The following CCSER1 variants were observed in gnomAD, a reference collection of about 807,000 sequenced individuals.
CCSER1 encodes coiled-coil serine rich protein 1.
In CCSER1, 41 loss-of-function variants were observed where a neutral mutation model predicts 82.0. The ratio of observed to expected loss-of-function variants is 0.50; its 90% CI spans 0.39 to 0.65. The LOEUF is 0.65. Among genes scored for constraint, CCSER1 ranks in the 30% least tolerant of loss-of-function variants. CCSER1 has a pLI of 0.00. For synonymous variants in CCSER1, 414 were observed against 383.9 expected (o/e 1.08, Z -0.92); for missense variants, 1,119 against 1,064.2 (o/e 1.05, Z -0.72).
At chr4:90,907,174 A>T (rs1319008571) in intron 8 of CCSER1, among the ~76,000 whole-genome samples, 1 of 152,120 alleles carries the variant, frequency 6.6e-6, no homozygotes, top group African/African-American at 2.4e-5. Context: ...GACAAGTTGA[A>T]ACTTCATCCT....
chr4:90,390,763 T>C (rs770755035), intron 3 of CCSER1, among the ~76,000 whole-genome samples: 3 of 152,162 alleles, frequency 2.0e-5, no homozygotes, highest in Non-Finnish European at 4.4e-5. Flanking sequence ...TGTATATATC[T>C]TTTTGGTAGA....
intron 7 of CCSER1, among the ~76,000 whole-genome samples, chr4:90,799,097 G>T (rs1756434132): frequency 6.6e-6 from 1 of 152,164 alleles, no homozygotes; most frequent in African/African-American, 2.4e-5. Context: ...TGGCGGTGAG[G>T]GGGGTCTCTG....
chr4:91,355,175 C>T (rs923890403), intron 10 of CCSER1, among the ~76,000 whole-genome samples: 1 of 150,630 alleles, frequency 6.6e-6, no homozygotes, highest in Non-Finnish European at 1.5e-5. Flanking sequence ...ACACATCTCA[C>T]ATAAATATGA....
intron 10 of CCSER1, among the ~76,000 whole-genome samples, chr4:91,464,415 A>G (rs917508119): frequency 2.4e-4 from 37 of 152,312 alleles, no homozygotes; most frequent in Non-Finnish European, 1.9e-4. Context: ...AAATATAAAG[A>G]CCATCGATGC....
intron 10 of CCSER1, among the ~76,000 whole-genome samples, chr4:91,213,685 C>A (rs1737017029): frequency 6.6e-6 from 1 of 152,110 alleles, no homozygotes; most frequent in African/African-American, 2.4e-5. Context: ...AATGAATTTA[C>A]AACTTGGATT....
At chr4:91,238,968 T>TAC (rs1739236998) in intron 10 of CCSER1, among the ~76,000 whole-genome samples, 3 of 151,876 alleles carry the variant, frequency 2.0e-5, no homozygotes, top group Admixed American at 6.6e-5. Flanking sequence ...GGACTACAGG[T>TAC]GCCCACCACC....
chr4:90,497,622 A>G (rs893425975), intron 5 of CCSER1, among the ~76,000 whole-genome samples: 1 of 152,212 alleles, frequency 6.6e-6, no homozygotes, highest in Non-Finnish European at 1.5e-5. Flanking sequence ...ATGCAAACAT[A>G]TGTAACGTGA....
chr4:91,167,372 G>A (rs1472060210), intron 10 of CCSER1, among the ~76,000 whole-genome samples: 1 of 151,842 alleles, frequency 6.6e-6, no homozygotes, highest in Non-Finnish European at 1.5e-5. Context: ...TTTCAGTAGA[G>A]ACAGGGTTTC....
intron 1 of CCSER1, among the ~76,000 whole-genome samples, chr4:90,301,238 C>G (rs564475903): frequency 6.6e-6 from 1 of 152,228 alleles, no homozygotes; most frequent in South Asian, 2.1e-4. Context: ...AATCATTTAA[C>G]TAGAATTCAT....
At chr4:90,562,906 T>A (rs934177856) in intron 5 of CCSER1, among the ~76,000 whole-genome samples, 2 of 151,044 alleles carry the variant, frequency 1.3e-5, no homozygotes, top group South Asian at 4.2e-4. Flanking sequence ...TGGATATTGA[T>A]AAATTTACTC....
At chr4:90,147,453 T>A (rs911186270) in intron 1 of CCSER1, among the ~76,000 whole-genome samples, 1 of 152,176 alleles carries the variant, frequency 6.6e-6, no homozygotes, top group Non-Finnish European at 1.5e-5. Flanking sequence ...GTTTCTGGTT[T>A]ATTAAAATAT....
intron 9 of CCSER1, among the ~76,000 whole-genome samples, chr4:91,035,529 C>G (rs565771300): frequency 6.6e-6 from 1 of 152,260 alleles, no homozygotes; most frequent in South Asian, 2.1e-4. Flanking sequence ...TCGCGGAAAT[C>G]TCTGTGGTGT....
intron 10 of CCSER1, among the ~76,000 whole-genome samples, chr4:91,598,277 C>T (rs1764674249): frequency 2.0e-5 from 3 of 152,222 alleles, no homozygotes; most frequent in South Asian, 4.1e-4. Flanking sequence ...TCATATAAAT[C>T]ACCTTTTACT....
chr4:91,308,195 A>G (rs1386179332), intron 10 of CCSER1, among the ~76,000 whole-genome samples: 1 of 151,984 alleles, frequency 6.6e-6, no homozygotes, highest in African/African-American at 2.4e-5. Flanking sequence ...CATGTCCTGT[A>G]TGGCTTGCTG....
At chr4:90,140,018 G>A (rs542140838) in intron 1 of CCSER1, among the ~76,000 whole-genome samples, 12 of 151,864 alleles carry the variant, frequency 7.9e-5, no homozygotes, top group Admixed American at 4.6e-4. Context: ...AAAAGATCTC[G>A]GTAATCATCT....
At chr4:90,366,814 A>G (rs1288002280) in intron 3 of CCSER1, among the ~76,000 whole-genome samples, 1 of 151,944 alleles carries the variant, frequency 6.6e-6, no homozygotes, top group African/African-American at 2.4e-5. Context: ...AAATAAGTGG[A>G]TATTCTTAGA....
At chr4:91,351,912 C>T (rs1748498235) in intron 10 of CCSER1, among the ~76,000 whole-genome samples, 1 of 152,126 alleles carries the variant, frequency 6.6e-6, no homozygotes, top group South Asian at 2.1e-4. Context: ...TAGTCTACTG[C>T]AGTTATTAAT....
intron 10 of CCSER1, among the ~76,000 whole-genome samples, chr4:91,368,308 G>A (rs969989605): frequency 3.3e-5 from 5 of 152,026 alleles, no homozygotes; most frequent in African/African-American, 1.2e-4. Flanking sequence ...GCTCCATTTG[G>A]TCTATTCTGT....
chr4:91,059,984 C>T (rs1216656568), intron 9 of CCSER1, among the ~76,000 whole-genome samples: 1 of 152,004 alleles, frequency 6.6e-6, no homozygotes, highest in Non-Finnish European at 1.5e-5. Flanking sequence ...AGGATCAATT[C>T]TCTTGTCATA....
Sources: allele counts gnomAD v4.1 joint callset (sites outside exome capture counted in the v4.1 genomes callset), GRCh38; gene constraint gnomAD v4.1.1; transcripts MANE v1.5; gene names NCBI Gene and HGNC (gene_info 2026-07-23, HGNC 2026-07-21).